The following CNOT1 variants were observed in gnomAD, a reference collection of about 807,000 sequenced individuals.
The protein encoded by CNOT1 is CCR4-associated factor 1.
In CNOT1, 15 loss-of-function variants were observed where a neutral mutation model predicts 273.8. The observed-to-expected ratio is 0.05, with a 90% CI of 0.04 to 0.08. The LOEUF (loss-of-function observed/expected upper bound fraction) is 0.08, where lower values mean the gene tolerates loss of function less well. CNOT1 is among the 10% of genes least tolerant of loss of function. The probability of loss-of-function intolerance (pLI) is 1.00; values close to 1 mark genes in which losing one functional copy is unlikely to be tolerated. For synonymous variants in CNOT1, 1,022 were observed against 1,005.5 expected, an observed-to-expected ratio of 1.02 and a Z score of -0.31; for missense variants, 1,644 against 2,912.2, an observed-to-expected ratio of 0.56 and a Z score of 10.02.
At chr16:58,610,062 A>G (rs2042837686) in intron 1 of CNOT1, among the ~76,000 whole-genome samples, 1 of 152,198 alleles carries the variant, frequency 6.6e-6, no homozygotes, top group Non-Finnish European at 1.5e-5. Flanking sequence ...ACTTTACTAT[A>G]ACACTATGCA....
chr16:58,577,682 T>C (rs754215419), intron 13 of CNOT1, among the ~76,000 whole-genome samples: 1 of 151,820 alleles, frequency 6.6e-6, no homozygotes, highest in Non-Finnish European at 1.5e-5. Flanking sequence ...CTACAAAAAT[T>C]CAAAAAATTA....
intron 1 of CNOT1, among the ~76,000 whole-genome samples, chr16:58,604,638 A>T (rs1374647860): frequency 6.7e-6 from 1 of 150,296 alleles, no homozygotes; most frequent in East Asian, 2.0e-4. Context: ...AAAAAAAAAA[A>T]AATACAAAAT....
chr16:58,551,664 G>C lies in CNOT1; in HGVS notation c.3126C>G (p.Thr1042=), dbSNP rs755110501. Residue 1042 remains threonine (T), a synonymous_variant, in exon 23 of 49, where the codon ACC becomes ACG. Transcript: ENST00000317147. ...LAGQVSTMVT[T]STTTTVAKTV... is the part of the protein sequence containing the mutation. ...TTTTAGCAACAGTGGTAGTTGTTGA[G>C]GTGGTTACCATAGTGCTAACTTGAC... is the stretch of plus-strand genomic sequence containing the variant. The C allele has an allele frequency of 3.7e-6, 6 of 1,614,206 alleles. No individual in the cohort carries two copies. In the South Asian group the frequency reaches 5.5e-5, roughly 15 times the overall value.
intron 16 of CNOT1, among the ~76,000 whole-genome samples, chr16:58,566,066 G>C (rs2041031101): frequency 1.3e-5 from 2 of 152,108 alleles, no homozygotes; most frequent in Admixed American, 1.3e-4. Flanking sequence ...TCTTCTCAGT[G>C]CATTTTATGA....
chr16:58,580,822 G>T, intron 11 of CNOT1, 62 bp from the exon 12 acceptor site: 1 of 1,471,004 alleles, frequency 6.8e-7, no homozygotes, highest in Non-Finnish European at 9.3e-7. Context: ...AATCTGAAAT[G>T]TTTTCACTAG....
At position 58,525,959 on chromosome 16, in the gene CNOT1, G is replaced by A. The variant is rs113344526; in HGVS notation, c.6603+30C>T. On this transcript the variant is annotated intron_variant, in intron 45 of 48. Transcript: ENST00000317147. ...ATAGAAAGTGCTTTATATGGAAGAC[G>A]TAGATGAGTTTTAAGCCAAACCAAT... 81 of 1,603,246 alleles carry A rather than the reference G, an allele frequency of 5.1e-5. No homozygotes were observed. The African/African-American group carries it at 7.5e-4, about 15-fold the overall frequency.
intron 35 of CNOT1, among the ~76,000 whole-genome samples, 191 bp from the exon 36 acceptor site, chr16:58,539,105 T>C (rs1182339205): frequency 6.6e-6 from 1 of 151,848 alleles, no homozygotes; most frequent in Non-Finnish European, 1.5e-5. Context: ...AAGTTCATTC[T>C]GTGCTCTTCA....
chr16:58,555,986 C>T (rs1307406305), intron 19 of CNOT1, 78 bp from the exon 20 acceptor site: 1 of 1,564,630 alleles, frequency 6.4e-7, no homozygotes, highest in African/African-American at 1.4e-5. Flanking sequence ...CAGCCAGAGA[C>T]TATTATAGCT....
chr16:58,550,671 G>C (rs2040419016), intron 24 of CNOT1, among the ~76,000 whole-genome samples: 1 of 152,108 alleles, frequency 6.6e-6, no homozygotes, highest in South Asian at 2.1e-4. Context: ...AAGTTCTGGG[G>C]GAGTAAAAAG....
chr16:58,561,089 G>A (rs1320452919), intron 16 of CNOT1, among the ~76,000 whole-genome samples: 1 of 152,210 alleles, frequency 6.6e-6, no homozygotes, highest in Admixed American at 6.5e-5. Context: ...GGAGGCTGAG[G>A]TGGGAGGACT....
In CNOT1 at chr16:58,575,037, C is replaced by T. The variant is rs758986187; in HGVS notation, c.1797G>A (p.Lys599=). ...ASRREYLKLD[K]WLTDKIREHG... The stretch of plus-strand genomic sequence containing the variant: ...GCTCTCGAATTTTATCTGTGAGCCA[C>T]TTATCAAGTTTGAGGTATTCACGAC... The change falls in exon 15 of 49, where the codon AAG becomes AAA. Residue 599 remains lysine, a synonymous_variant. Transcript: ENST00000317147. 6.2e-7 allele frequency: 1 copy of T among 1,614,068 alleles called. No individual in the cohort carries two copies. The highest frequency in any genetic ancestry group is 2.2e-5 in the East Asian group (1 of 44,870).
chr16:58,560,198 T>G lies in CNOT1; in HGVS notation c.2130+14A>C. The G allele has an allele frequency of 6.2e-7, 1 of 1,612,978 alleles. No individual in the cohort carries two copies. Among genetic ancestry groups the G allele is most frequent in the Non-Finnish European group, 8.5e-7 (1 of 1,179,522 alleles). ...ATGGCAAATGAAGATGTATCAAATG[T>G]AGCACTCATTTACCTGAACAGGAGA... On this transcript the variant is annotated intron_variant, in intron 17 of 48. Transcript: ENST00000317147.
rs1438377021 is a variant in CNOT1, at chr16:58,586,498, G to C, written c.637+47C>G. The C allele has an allele frequency of 5.8e-6, 9 of 1,565,048 alleles. No homozygotes were observed. The African/African-American group carries it at 1.1e-4, about 20-fold the overall frequency. On this transcript the variant is annotated intron_variant, in intron 7 of 48. Transcript: ENST00000317147. ...GGGAATGCTTTTGTGATGTGTCTGT[G>C]GTCATCCAAGAAAACCACCCACTGT...
rs1275308850 is a variant in CNOT1 at position 58,538,003 on chromosome 16, T to C, written c.5302A>G (p.Ile1768Val). The C allele has an allele frequency of 1.2e-6, 2 of 1,614,164 alleles. No individual in the cohort carries two copies. Among genetic ancestry groups the C allele is most frequent in the African/African-American group, 1.3e-5 (1 of 75,036 alleles). ...AVAFAMQLVK[I>V]LLVDERSVAH... is the part of the protein sequence containing the mutation. Reference sequence around the variant, plus strand: ...ACACTCCTTTCATCCACCAGCAGGATTTTTACTAACTGCATAGCAAATGCC... The same window carrying C: ...ACACTCCTTTCATCCACCAGCAGGACTTTTACTAACTGCATAGCAAATGCC... Residue 1768 changes from isoleucine to valine, a missense_variant, in exon 38 of 49, where the codon ATC (isoleucine) becomes GTC (valine). Transcript: ENST00000317147.
intron 1 of CNOT1, among the ~76,000 whole-genome samples, chr16:58,627,403 C>CAAAAAAAAAAAAAA (rs754338444): frequency 1.5e-5 from 1 of 65,168 alleles, no homozygotes; most frequent in African/African-American, 7.2e-5. Context: ...GACTCCATCT[C>CAAAAAAAAAAAAAA]AAAAAAAAAA....
At chr16:58,535,310 G>T (rs1026012990) in intron 39 of CNOT1, among the ~76,000 whole-genome samples, 6 of 152,232 alleles carry the variant, frequency 3.9e-5, no homozygotes, top group Non-Finnish European at 8.8e-5. Flanking sequence ...CAGAATGCCA[G>T]CATGGCAAAG....
At chr16:58,570,000 G>A (rs1164434787) in intron 16 of CNOT1, among the ~76,000 whole-genome samples, 1 of 152,114 alleles carries the variant, frequency 6.6e-6, no homozygotes, top group African/African-American at 2.4e-5. Flanking sequence ...CAAGATAGAA[G>A]CAACTCATCA....
At position 58,547,531 on chromosome 16, in the gene CNOT1, G is replaced by A. The variant is rs2040298477; in HGVS notation, c.3639+35C>T. On this transcript the variant is annotated intron_variant, in intron 26 of 48. Transcript: ENST00000317147. The surrounding 1 kb of genome is among the most constrained non-coding windows in gnomAD (Gnocchi z 4.0). ...ATACTTGTAATCATAATGTGCTGAA[G>A]ATTCTCAATTTTTACACATTTAGAT... 6.3e-7 allele frequency: 1 copy of A among 1,586,422 alleles called. No homozygotes were observed. Among genetic ancestry groups the A allele is most frequent in the Non-Finnish European group, 8.6e-7 (1 of 1,164,294 alleles).
At chr16:58,538,601 AGACCAGATG>A (rs1241757360) in intron 36 of CNOT1, among the ~76,000 whole-genome samples, 162 bp downstream of exon 36, 1 of 152,190 alleles carries the variant, frequency 6.6e-6, no homozygotes, top group African/African-American at 2.4e-5. Context: ...GAGAAGGTAG[AGACCAGATG>A]GAAAACAACT....
Sources: gnomAD v4.1 joint callset for allele counts (sites outside exome capture counted in the v4.1 genomes callset) on GRCh38, gnomAD v4.1.1 for gene constraint, Gnocchi (gnomAD v3.1) non-coding constraint, MANE v1.5 for transcripts, NCBI Gene and HGNC (gene_info 2026-07-23, HGNC 2026-07-21) for gene names.